The following NOX4 variants were observed in gnomAD, a reference collection of about 807,000 sequenced individuals.
NOX4 encodes the protein kidney oxidase-1.
NOX4 carries 69 observed loss-of-function variants against 87.6 expected under a neutral mutation model. The ratio of observed to expected loss-of-function variants is 0.79; its 90% CI spans 0.65 to 0.96. The LOEUF (loss-of-function observed/expected upper bound fraction) is 0.96. Ranked by LOEUF, NOX4 falls within the 40% of genes least tolerant of loss-of-function variation. The pLI is 0.00. For missense variants in NOX4, 680 were observed against 681.5 expected, an observed-to-expected ratio of 1.00 and a Z score of 0.02; for synonymous variants, 275 against 238.2, an observed-to-expected ratio of 1.15 and a Z score of -1.42.
At chr11:89,381,435 C>G (rs978241069) in intron 11 of NOX4, among the ~76,000 whole-genome samples, 1 of 152,092 alleles carries the variant, frequency 6.6e-6, no homozygotes, top group Non-Finnish European at 1.5e-5. Context: ...CTTCTCCTGG[C>G]CCAAAAGCTC....
chr11:89,363,829 C>A (rs1458999472), intron 12 of NOX4, among the ~76,000 whole-genome samples: 2 of 152,008 alleles, frequency 1.3e-5, no homozygotes, highest in East Asian at 3.9e-4. Context: ...CATGGTAATG[C>A]ATAGTAATAC....
At chr11:89,388,257 A>C (rs1219247650) in intron 11 of NOX4, among the ~76,000 whole-genome samples, 1 of 152,032 alleles carries the variant, frequency 6.6e-6, no homozygotes, top group African/African-American at 2.4e-5. Context: ...CCTCTGCCCA[A>C]CTTCCAGGAT....
At chr11:89,523,192 T>A in the NOX4 span, among the ~76,000 whole-genome samples, 12 of 152,126 alleles carry the variant, frequency 7.9e-5, no homozygotes, top group East Asian at 2.3e-3. Flanking sequence ...CCTGGCTAAT[T>A]TTTGTATTTT....
At chr11:89,539,339 G>C in the NOX4 span, among the ~76,000 whole-genome samples, 1 of 151,996 alleles carries the variant, frequency 6.6e-6, no homozygotes, top group Admixed American at 6.6e-5. Flanking sequence ...GGCTGAGGCA[G>C]GAAAATCGCC....
the NOX4 span, among the ~76,000 whole-genome samples, chr11:89,566,897 A>G: frequency 8.5e-5 from 13 of 152,116 alleles, no homozygotes; most frequent in Admixed American, 8.5e-4. Flanking sequence ...TATTAACCGT[A>G]GGAATCCCCG....
At chr11:89,586,632 A>G in the NOX4 span, among the ~76,000 whole-genome samples, 5 of 152,230 alleles carry the variant, frequency 3.3e-5, no homozygotes, top group Non-Finnish European at 5.9e-5. Flanking sequence ...CTTCATGCAT[A>G]CAATCATCCT....
rs147166939 is a variant in NOX4 at position 89,335,887 on chromosome 11, C to T, written c.1574G>A (p.Arg525Gln). ...LNSRLFIGRP[R>Q]WKLLFDEIAK... The stretch of plus-strand genomic sequence containing the variant: ...TATTTCATCAAACAAAAGTTTCCAC[C>T]GAGGACGTCCTATAAACAGTCTTGA... The change falls in exon 17 of 18, where the codon CGG becomes CAG. Residue 525 changes from arginine to glutamine, a missense_variant. By Grantham distance (43) the Arg-to-Gln change is conservative. Transcript: ENST00000263317. The T allele has an allele frequency of 2.4e-5, 39 of 1,600,462 alleles. No homozygotes were observed. The highest frequency in any genetic ancestry group is 8.1e-5 in the African/African-American group (6 of 74,284).
intron 6 of NOX4, among the ~76,000 whole-genome samples, chr11:89,439,507 G>T (rs892239292): frequency 6.6e-6 from 1 of 152,038 alleles, no homozygotes; most frequent in Non-Finnish European, 1.5e-5. Context: ...TTATTGTGAC[G>T]TTTCATCATA....
At chr11:89,420,277 T>A (rs1943013683) in intron 8 of NOX4, among the ~76,000 whole-genome samples, 1 of 152,144 alleles carries the variant, frequency 6.6e-6, no homozygotes, top group Non-Finnish European at 1.5e-5. Flanking sequence ...TGAAGCATTT[T>A]GAATTTATAC....
chr11:89,330,745 A>G (rs139084087), intron 17 of NOX4, among the ~76,000 whole-genome samples: 11,231 of 152,068 alleles, frequency 0.074, 559 homozygotes, highest in East Asian at 0.14. Flanking sequence ...AAGAACAAAT[A>G]GATAAGTACA....
At chr11:89,504,679 TG>T in the NOX4 span, among the ~76,000 whole-genome samples, 1 of 151,980 alleles carries the variant, frequency 6.6e-6, no homozygotes, top group Non-Finnish European at 1.5e-5. Flanking sequence ...TCAGGATATT[TG>T]TAAGTAGAAT....
intron 7 of NOX4, among the ~76,000 whole-genome samples, chr11:89,423,213 A>G (rs1365677359): frequency 2.0e-5 from 3 of 152,154 alleles, no homozygotes; most frequent in Non-Finnish European, 4.4e-5. Flanking sequence ...GTATTTATTA[A>G]TTACAAACCC....
chr11:89,373,293 A>C (rs866134396), intron 12 of NOX4, 139 bp downstream of exon 12: 45 of 494,212 alleles, frequency 9.1e-5, no homozygotes, highest in South Asian at 2.7e-4. Flanking sequence ...AAAAAAAAAA[A>C]AAAAACAAAA....
the NOX4 span, among the ~76,000 whole-genome samples, chr11:89,568,759 T>G: frequency 6.6e-6 from 1 of 152,194 alleles, no homozygotes; most frequent in South Asian, 2.1e-4. Flanking sequence ...GCCAGAGGCA[T>G]CACACTCTAC....
At chr11:89,449,722 T>G (rs1944869767) in intron 3 of NOX4, among the ~76,000 whole-genome samples, 198 bp from the exon 4 acceptor site, 1 of 152,082 alleles carries the variant, frequency 6.6e-6, no homozygotes, top group African/African-American at 2.4e-5. Context: ...AAGTCCATAT[T>G]ATTGATATAG....
At chr11:89,345,890 A>T (rs1438140290) in intron 13 of NOX4, among the ~76,000 whole-genome samples, 1 of 152,190 alleles carries the variant, frequency 6.6e-6, no homozygotes, top group Non-Finnish European at 1.5e-5. Flanking sequence ...CCAGAACAAG[A>T]CAAGGATGCC....
the NOX4 span, among the ~76,000 whole-genome samples, chr11:89,511,061 G>C: frequency 6.6e-6 from 1 of 151,846 alleles, no homozygotes; most frequent in Non-Finnish European, 1.5e-5. Flanking sequence ...CTATATGTAG[G>C]TATGCTACCA....
At chr11:89,367,098 G>A (rs1036069287) in intron 12 of NOX4, among the ~76,000 whole-genome samples, 2 of 152,054 alleles carry the variant, frequency 1.3e-5, no homozygotes, top group African/African-American at 4.8e-5. Flanking sequence ...TAGTAAATAA[G>A]CCATGTTAAG....
intron 2 of NOX4, among the ~76,000 whole-genome samples, chr11:89,473,065 A>G (rs1299982125): frequency 6.6e-6 from 1 of 152,160 alleles, no homozygotes; most frequent in Admixed American, 6.6e-5. Flanking sequence ...TCATCTATTA[A>G]ATTCCTATCA....
Sources: gnomAD v4.1 joint callset for allele counts (sites outside exome capture counted in the v4.1 genomes callset) on GRCh38, gnomAD v4.1.1 for gene constraint, MANE v1.5 for transcripts, NCBI Gene and HGNC (gene_info 2026-07-23, HGNC 2026-07-21) for gene names.